The following TMPRSS11D variants were observed in gnomAD, a reference collection of about 807,000 sequenced individuals.
TMPRSS11D encodes transmembrane protease serine 11D.
In TMPRSS11D, 32 loss-of-function variants were observed where a neutral mutation model predicts 44.4. That is an observed-to-expected ratio of 0.72 (90% CI 0.54 to 0.97). TMPRSS11D has a LOEUF of 0.97. Ranked by LOEUF, TMPRSS11D falls within the 50% of genes least tolerant of loss-of-function variation. The probability of loss-of-function intolerance (pLI) is 0.00; values close to 1 mark genes in which losing one functional copy is unlikely to be tolerated. For synonymous variants in TMPRSS11D, 179 were observed against 177.9 expected (o/e 1.01, Z -0.05); for missense variants, 446 against 502.6 (o/e 0.89, Z 1.08).
chr4:67,858,714 A>T (rs1289690102), intron 2 of TMPRSS11D, among the ~76,000 whole-genome samples: 1 of 152,158 alleles, frequency 6.6e-6, no homozygotes, highest in Non-Finnish European at 1.5e-5. Context: ...TAAGTGATTT[A>T]ATAGAATTAT....
chr4:67,883,975 C>T lies in TMPRSS11D; in HGVS notation c.-42G>A, dbSNP rs1369609095. 7.5e-6 allele frequency: 12 copies of T among 1,589,570 alleles called. No individual in the cohort carries two copies. The East Asian group carries it at 2.7e-4, about 36-fold the overall frequency. On this transcript the variant is annotated 5_prime_UTR_variant, in exon 1 of 10. Coordinates refer to ENST00000283916, the MANE Select transcript of TMPRSS11D (RefSeq NM_004262.3). ...GAGGTTCTTTTTTCTGCCTACTCAA[C>T]TGCTTTGAGATTCCCACTCAAATGA...
chr4:67,867,088 A>G (rs1166178363), intron 1 of TMPRSS11D, among the ~76,000 whole-genome samples: 1 of 152,116 alleles, frequency 6.6e-6, no homozygotes, highest in Non-Finnish European at 1.5e-5. Context: ...ATTATACTAC[A>G]AAGCTATAGT....
In TMPRSS11D at chr4:67,833,518, G is replaced by T. The variant is rs989661968; in HGVS notation, c.515-137C>A. On this transcript the variant is annotated intron_variant, in intron 6 of 9. Transcript: ENST00000283916. The stretch of plus-strand genomic sequence containing the variant: ...CAGGACATGCTGGATTTTCCAAAAA[G>T]CATGATCGATATATTTCTACAATGC... 5.4e-6 allele frequency: 4 copies of T among 743,542 alleles called. No homozygotes were observed. The African/African-American group carries it at 5.4e-5, about 10-fold the overall frequency. 46.1% of individuals were successfully genotyped at this position (743,542 alleles called of 1,614,324 possible).
At chr4:67,883,220 T>C (rs187437491) in intron 1 of TMPRSS11D, among the ~76,000 whole-genome samples, 1 of 152,104 alleles carries the variant, frequency 6.6e-6, no homozygotes, top group East Asian at 1.9e-4. Flanking sequence ...CATAGAAAAA[T>C]AATATGCATA....
At chr4:67,875,517 G>C (rs1326222241) in intron 1 of TMPRSS11D, among the ~76,000 whole-genome samples, 1 of 152,120 alleles carries the variant, frequency 6.6e-6, no homozygotes, top group Non-Finnish European at 1.5e-5. Context: ...TATTCCCCTG[G>C]AAGGTCTGTC....
In TMPRSS11D at chr4:67,833,159, G is replaced by T. The variant is rs756766520; in HGVS notation, c.692+45C>A. On this transcript the variant is annotated intron_variant, in intron 7 of 9. Coordinates refer to ENST00000283916, the MANE Select transcript of TMPRSS11D (RefSeq NM_004262.3). ...GTAGAGGGTGCAGTCTTCATGACCT[G>T]TCTATTCTAATTGTTCCCAGATGGG... 9 of 1,367,442 alleles carry T rather than the reference G, an allele frequency of 6.6e-6. No homozygotes were observed. The South Asian group carries it at 1.9e-4, about 28-fold the overall frequency. The allele number at this position is 1,367,442 out of a possible 1,614,324, so 84.7% of individuals were successfully genotyped here.
rs770926330 is a variant in TMPRSS11D at position 67,833,197 on chromosome 4, G to C, written c.692+7C>G. 8.9e-6 allele frequency: 13 copies of C among 1,459,092 alleles called. No homozygotes were observed. Among genetic ancestry groups the C allele is most frequent in the Non-Finnish European group, 8.2e-6 (9 of 1,099,324 alleles). 90.4% of individuals were successfully genotyped at this position (1,459,092 alleles called of 1,614,324 possible). On this transcript the variant is annotated splice_region_variant and intron_variant, in intron 7 of 9. Coordinates refer to ENST00000283916, the MANE Select transcript of TMPRSS11D (RefSeq NM_004262.3). ...GTTCCCAGATGGGTAGGTAGTGGTG[G>C]CCTCACCTTCTGAAGCAGTGAGCTG...
chr4:67,835,110 G>T lies in TMPRSS11D; in HGVS notation c.487C>A (p.Gln163Lys). 1 of 1,611,916 alleles carries T rather than the reference G, an allele frequency of 6.2e-7. No homozygotes were observed. Among genetic ancestry groups the T allele is most frequent in the South Asian group, 1.1e-5 (1 of 91,008 alleles). ...TTAATAAGCCAATTTGCTGCAGCCT[G>T]GTCAGTAAGTGCTAGTATTAAAAAA... ...PSTEITSLTD[Q>K]AAANWLINEC... Residue 163 changes from glutamine to lysine, a missense_variant, in exon 6 of 10, where the codon CAG becomes AAG. Transcript: ENST00000283916.
chr4:67,854,938 A>G (rs1276660822), intron 2 of TMPRSS11D, among the ~76,000 whole-genome samples: 2 of 152,154 alleles, frequency 1.3e-5, no homozygotes, highest in Admixed American at 6.5e-5. Flanking sequence ...ATTCTGAGAG[A>G]AAACCAGACA....
At chr4:67,878,874 C>T (rs191046642) in intron 1 of TMPRSS11D, among the ~76,000 whole-genome samples, 3 of 152,062 alleles carry the variant, frequency 2.0e-5, no homozygotes, top group Admixed American at 6.5e-5. Flanking sequence ...CGCAGTGAGC[C>T]GAGATTGCAC....
chr4:67,859,608 C>T lies in TMPRSS11D; in HGVS notation c.79G>A (p.Val27Ile), dbSNP rs779755642. 8.7e-6 allele frequency: 14 copies of T among 1,613,144 alleles called. No individual in the cohort carries two copies. Among genetic ancestry groups the T allele is most frequent in the Non-Finnish European group, 1.1e-5 (13 of 1,179,440 alleles). ...YVVCFIVVAG[V>I]VILAVTIALL... Reference sequence around the variant, plus strand: ...GCTATGGTGACTGCCAGGATCACTACCCCTGCGACGACAATGAAACATACT... The same window carrying T: ...GCTATGGTGACTGCCAGGATCACTATCCCTGCGACGACAATGAAACATACT... The change falls in exon 2 of 10, where the codon GTA becomes ATA. Residue 27 changes from valine (V) to isoleucine (I), a missense_variant. Physicochemically the swap from Val to Ile is conservative, Grantham distance 29. Transcript: ENST00000283916.
intron 3 of TMPRSS11D, among the ~76,000 whole-genome samples, chr4:67,851,528 C>G (rs538183435): frequency 3.3e-4 from 50 of 152,264 alleles, no homozygotes; most frequent in African/African-American, 1.2e-3. Flanking sequence ...CTCACCCGGA[C>G]TATAAATCTG....
chr4:67,822,554 AAGG>A (rs1717673933), intron 9 of TMPRSS11D, 56 bp from the exon 10 acceptor site: 2 of 1,592,108 alleles, frequency 1.3e-6, no homozygotes, highest in Non-Finnish European at 1.7e-6. Context: ...CCAAAATATT[AAGG>A]AGTTTATTTC....
In TMPRSS11D at chr4:67,835,062, C is replaced by T. The variant is rs748063319; in HGVS notation, c.514+21G>A. The T allele has an allele frequency of 6.8e-6, 11 of 1,609,770 alleles. No individual in the cohort carries two copies. The Admixed American group carries it at 1.8e-4, about 27-fold the overall frequency. On this transcript the variant is annotated intron_variant, in intron 6 of 9. Transcript: ENST00000283916. ...TTTATGATTTGGCAAATTACAGTTA[C>T]AAAATAATATTAAAACTTACCATTA...
rs545205466 is a variant in TMPRSS11D, at chr4:67,867,774, A to G, written c.9-8096T>C. On this transcript the variant is annotated intron_variant, in intron 1 of 9. Coordinates refer to ENST00000283916, the MANE Select transcript of TMPRSS11D (RefSeq NM_004262.3). ...GTGCAAATTAAAACCACGATGAGAT[A>G]AACTGTTACACCAGTTGGAATGGTT... is the stretch of plus-strand genomic sequence containing the variant. Among the ~76,000 whole-genome samples, 10 of 152,302 alleles carry G rather than the reference A, an allele frequency of 6.6e-5. No individual in the cohort carries two copies. In the South Asian group the frequency reaches 2.1e-3, roughly 32 times the overall value.
intron 1 of TMPRSS11D, among the ~76,000 whole-genome samples, chr4:67,874,714 T>C (rs1719142382): frequency 6.6e-6 from 1 of 152,148 alleles, no homozygotes; most frequent in Non-Finnish European, 1.5e-5. Flanking sequence ...GAAGATGACA[T>C]TTCAACACAT....
intron 1 of TMPRSS11D, among the ~76,000 whole-genome samples, chr4:67,867,729 C>G (rs770962474): frequency 2.4e-4 from 37 of 151,988 alleles, no homozygotes; most frequent in Non-Finnish European, 4.9e-4. Flanking sequence ...AAAAAATGCT[C>G]AATATCACTA....
At chr4:67,834,952 C>A (rs2109665457) in intron 6 of TMPRSS11D, 131 bp downstream of exon 6, 2 of 785,890 alleles carry the variant, frequency 2.5e-6, no homozygotes, top group Middle Eastern at 3.0e-4. Context: ...TGTTTCAACA[C>A]CACCTGAGCG....
Position 67,866,359 on chromosome 4 carries a change from G to C in TMPRSS11D, c.9-6681C>G, listed in dbSNP as rs1451813388. On this transcript the variant is annotated intron_variant, in intron 1 of 9. Transcript: ENST00000283916. ...GGGAGCATACCTCAAAACAATAAAA[G>C]CTATATATGATAAACCCACAGCTAA... 2.0e-5 allele frequency among the ~76,000 whole-genome samples: 3 copies of C among 152,070 alleles called. No individual in the cohort carries two copies. In the East Asian group the frequency reaches 5.8e-4, roughly 29 times the overall value.
Sources: gnomAD v4.1 joint callset for allele counts (sites outside exome capture counted in the v4.1 genomes callset) on GRCh38, gnomAD v4.1.1 for gene constraint, MANE v1.5 for transcripts, NCBI Gene and HGNC (gene_info 2026-07-23, HGNC 2026-07-21) for gene names.